Variants in PPP6R2 observed in about 807,000 individuals in gnomAD.
The protein encoded by PPP6R2 is serine/threonine-protein phosphatase 6 regulatory subunit 2.
In PPP6R2, 62 loss-of-function variants were observed where a neutral mutation model predicts 100.2. That is an observed-to-expected ratio of 0.62 (90% CI 0.50 to 0.76). The LOEUF (loss-of-function observed/expected upper bound fraction) is 0.76. PPP6R2 is among the 30% of genes least tolerant of loss of function. The pLI is 0.00. For synonymous variants in PPP6R2, 525 were observed against 514.7 expected, an observed-to-expected ratio of 1.02 and a Z score of -0.27; for missense variants, 1,142 against 1,276.3, an observed-to-expected ratio of 0.89 and a Z score of 1.60.
At chr22:50,408,263 G>A (rs1220263915) in intron 4 of PPP6R2, among the ~76,000 whole-genome samples, 1 of 152,042 alleles carries the variant, frequency 6.6e-6, no homozygotes, top group Non-Finnish European at 1.5e-5. Flanking sequence ...AATATTAACC[G>A]TAATTGTTTC....
At chr22:50,400,862 G>T (rs1286877596) in intron 3 of PPP6R2, among the ~76,000 whole-genome samples, 1 of 152,142 alleles carries the variant, frequency 6.6e-6, no homozygotes, top group Non-Finnish European at 1.5e-5. Flanking sequence ...TTAGCTGAGG[G>T]AAATTTCTCA....
intron 10 of PPP6R2, among the ~76,000 whole-genome samples, chr22:50,424,633 C>CTTTTTTTTT (rs71198247): frequency 1.5e-3 from 111 of 74,254 alleles, no homozygotes; most frequent in East Asian, 6.9e-3. Flanking sequence ...CCCTCTTCTT[C>CTTTTTTTTT]TTTTTTTTTT....
At chr22:50,388,332 T>C (rs2054676578) in intron 2 of PPP6R2, among the ~76,000 whole-genome samples, 2 of 149,224 alleles carry the variant, frequency 1.3e-5, no homozygotes, top group Non-Finnish European at 1.5e-5. Context: ...AGGTTGAGGC[T>C]GCAGTGTGCC....
At chr22:50,408,935 A>G (rs916351671) in intron 4 of PPP6R2, among the ~76,000 whole-genome samples, 3 of 152,172 alleles carry the variant, frequency 2.0e-5, no homozygotes, top group South Asian at 2.1e-4. Flanking sequence ...ACCAACGTGG[A>G]GAAACCCCGT....
At chr22:50,426,747 T>A (rs2062187047) in intron 10 of PPP6R2, among the ~76,000 whole-genome samples, 1 of 147,022 alleles carries the variant, frequency 6.8e-6, no homozygotes, top group African/African-American at 2.5e-5. Flanking sequence ...GGCAGGAGAA[T>A]CACTTGAACC....
chr22:50,433,378 G>A (rs1293668132), intron 12 of PPP6R2, among the ~76,000 whole-genome samples: 1 of 89,422 alleles, frequency 1.1e-5, no homozygotes, highest in African/African-American at 4.0e-5. Flanking sequence ...GGCAGGGGCC[G>A]GGCATTTGCT....
At chr22:50,442,400 A>G (rs1330934747) in intron 22 of PPP6R2, among the ~76,000 whole-genome samples, 1 of 152,252 alleles carries the variant, frequency 6.6e-6, no homozygotes, top group Non-Finnish European at 1.5e-5. Context: ...GGGCATCTGC[A>G]GCAAGTGGGG....
chr22:50,342,588 TAC>T (rs2042528249), upstream of PPP6R2, among the ~76,000 whole-genome samples: 1 of 149,218 alleles, frequency 6.7e-6, no homozygotes, highest in Non-Finnish European at 1.5e-5. Flanking sequence ...TCCTGGGCAA[TAC>T]ACTGACAACT....
intron 2 of PPP6R2, among the ~76,000 whole-genome samples, chr22:50,381,597 G>C (rs2053034245): frequency 6.6e-6 from 1 of 152,304 alleles, no homozygotes; most frequent in South Asian, 2.1e-4. Context: ...TTTAATAAGT[G>C]CAGTTTACAA....
chr22:50,392,026 C>T (rs2055695571), intron 2 of PPP6R2: 1 of 150,920 alleles, frequency 6.6e-6, no homozygotes, highest in Non-Finnish European at 1.5e-5. Context: ...GTACGTGAGA[C>T]ATCTGGTAGT....
intron 1 of PPP6R2, among the ~76,000 whole-genome samples, chr22:50,361,129 T>C (rs1360465628): frequency 1.3e-5 from 2 of 152,220 alleles, no homozygotes; most frequent in African/African-American, 4.8e-5. Flanking sequence ...TTTGCTGTGA[T>C]GCCCTTCCTG....
In PPP6R2 at chr22:50,444,261, C is replaced by T. The variant is rs753180953; in HGVS notation, c.*14C>T. On this transcript the variant is annotated 3_prime_UTR_variant, in exon 24 of 24. Transcript: ENST00000612753. ...GGCCCAGTGTGATGCTGCTGCCGCC[C>T]GGCCACGGCCCACCCTGGTCAGGCT... The T allele has an allele frequency of 3.8e-5, 61 of 1,611,996 alleles. No individual in the cohort carries two copies. Among genetic ancestry groups the T allele is most frequent in the South Asian group, 5.5e-5 (5 of 90,822 alleles).
At position 50,388,178 on chromosome 22, in the gene PPP6R2, TA is replaced by T. The variant is rs1556010290; in HGVS notation, c.-16-5703del. Among the ~76,000 whole-genome samples the T allele has an allele frequency of 2.7e-4, 40 of 147,870 alleles. 1 individual carries two copies. Among genetic ancestry groups the T allele is most frequent in the East Asian group, 2.0e-3 (10 of 5,038 alleles). ...TCTCTATAAAAAATTTTTTTAGGAT[TA>T]AAAAAAAAAAACAGTCAGCTTGGGT... On this transcript the variant is annotated intron_variant, in intron 2 of 23. Coordinates refer to ENST00000612753, the MANE Select transcript of PPP6R2 (RefSeq NM_001242898.2).
chr22:50,384,528 C>G lies in PPP6R2; in HGVS notation c.-16-9365C>G, dbSNP rs578246594. On this transcript the variant is annotated intron_variant, in intron 2 of 23. Coordinates refer to ENST00000612753, the MANE Select transcript of PPP6R2 (RefSeq NM_001242898.2). Reference sequence around the variant, plus strand: ...CAAGATCGCGCCACTGCACTCCAGTCTGGGCGACAGAGCGAGACTCCGTCT... The same window carrying G: ...CAAGATCGCGCCACTGCACTCCAGTGTGGGCGACAGAGCGAGACTCCGTCT... Among the ~76,000 whole-genome samples the G allele has an allele frequency of 3.3e-5, 5 of 152,302 alleles. No homozygotes were observed. In the South Asian group the frequency reaches 1.0e-3, roughly 32 times the overall value.
At chr22:50,368,199 G>A (rs945884779) in intron 1 of PPP6R2, among the ~76,000 whole-genome samples, 16 of 152,236 alleles carry the variant, frequency 1.1e-4, no homozygotes. Flanking sequence ...TCACAGAGAC[G>A]TTTACGCCTC....
Position 50,359,156 on chromosome 22 carries a change from C to T in PPP6R2, c.-147-12864C>T, listed in dbSNP as rs540940942. Among the ~76,000 whole-genome samples, 14 of 151,852 alleles carry T rather than the reference C, an allele frequency of 9.2e-5. No individual in the cohort carries two copies. In the East Asian group the frequency reaches 1.5e-3, roughly 17 times the overall value. On this transcript the variant is annotated intron_variant, in intron 1 of 23. Transcript: ENST00000612753. ...CTGGGATTATGGGCACCAGCCACCA[C>T]GCCCAGCTAATGTTTGTATTGTTAG...
At chr22:50,442,552 T>TTTTGTTTG (rs36157989) in intron 22 of PPP6R2, among the ~76,000 whole-genome samples, 50 of 151,204 alleles carry the variant, frequency 3.3e-4, no homozygotes, top group Non-Finnish European at 6.8e-4. Context: ...TCACTGAAAT[T>TTTTGTTTG]TTTGTTTGTT....
chr22:50,421,490 G>A (rs2061329438), intron 8 of PPP6R2, among the ~76,000 whole-genome samples: 1 of 152,202 alleles, frequency 6.6e-6, no homozygotes, highest in African/African-American at 2.4e-5. Context: ...TTATAGGTGT[G>A]AGCCACTGCA....
At chr22:50,395,921 A>T (rs1447863322) in intron 3 of PPP6R2, among the ~76,000 whole-genome samples, 1 of 149,926 alleles carries the variant, frequency 6.7e-6, no homozygotes, top group Non-Finnish European at 1.5e-5. Flanking sequence ...AAGCTCGGGC[A>T]TCGTGGCTCA....
Sources: gnomAD v4.1 joint callset for allele counts (sites outside exome capture counted in the v4.1 genomes callset) on GRCh38, gnomAD v4.1.1 for gene constraint, MANE v1.5 for transcripts, NCBI Gene and HGNC (gene_info 2026-07-23, HGNC 2026-07-21) for gene names.